Variants in DNAH8 observed in about 807,000 individuals in gnomAD.
DNAH8 encodes axonemal beta dynein heavy chain 8.
In DNAH8, 382 loss-of-function variants were observed where a neutral mutation model predicts 562.1. That is an observed-to-expected ratio of 0.68 (90% CI 0.63 to 0.74). The LOEUF is 0.74. Ranked by LOEUF, DNAH8 falls within the 30% of genes least tolerant of loss-of-function variation. The pLI, the probability that DNAH8 is intolerant of heterozygous loss-of-function variation, is 0.00. For synonymous variants in DNAH8, 1,881 were observed against 1,919.4 expected (o/e 0.98, Z 0.52); for missense variants, 5,203 against 5,620.4 (o/e 0.93, Z 2.37).
Position 38,862,280 on chromosome 6 carries a change from A to G in DNAH8, c.6132A>G (p.Arg2044=), listed in dbSNP as rs1583209793. 2 of 1,609,856 alleles carry G rather than the reference A, an allele frequency of 1.2e-6. No individual in the cohort carries two copies. ...TGCTTTATTGGATGAACATTTGCAG[A>G]TGCTATATCACGTTAGCTCAGGCCT... The part of the protein sequence containing the change: ...DRLVITPLTD[R]CYITLAQALG... Residue 2044 remains arginine (R), a splice_region_variant and synonymous_variant, in exon 44 of 93, where the codon AGA becomes AGG. Coordinates refer to ENST00000327475, the MANE Select transcript of DNAH8 (RefSeq NM_001206927.2).
intron 10 of DNAH8, among the ~76,000 whole-genome samples, chr6:38,761,205 A>G (rs1766467223): frequency 6.8e-6 from 1 of 148,082 alleles, no homozygotes; most frequent in South Asian, 2.1e-4. Context: ...GGTGTGCTGC[A>G]CCCATTAACT....
At chr6:38,935,235 G>A (rs1053787129) in intron 76 of DNAH8, among the ~76,000 whole-genome samples, 2 of 152,126 alleles carry the variant, frequency 1.3e-5, no homozygotes, top group African/African-American at 2.4e-5. Flanking sequence ...AATAAAGATA[G>A]CATTTCTTAC....
intron 7 of DNAH8, among the ~76,000 whole-genome samples, chr6:38,740,929 T>G (rs979113815): frequency 1.3e-5 from 2 of 152,218 alleles, no homozygotes; most frequent in Admixed American, 6.5e-5. Flanking sequence ...TATGCTAGTT[T>G]AAAAATGTAG....
At chr6:38,842,068 T>G (rs1489371487) in intron 33 of DNAH8, among the ~76,000 whole-genome samples, 1 of 152,236 alleles carries the variant, frequency 6.6e-6, no homozygotes. Flanking sequence ...TTGCAATGAT[T>G]GGTATAGTAA....
chr6:38,718,092 A>G (rs1384907077), intron 1 of DNAH8, among the ~76,000 whole-genome samples: 1 of 152,192 alleles, frequency 6.6e-6, no homozygotes, highest in East Asian at 1.9e-4. Context: ...ATGATGCATT[A>G]AAATTTTATT....
chr6:38,751,988 A>G (rs886576377), intron 9 of DNAH8, among the ~76,000 whole-genome samples: 1 of 152,212 alleles, frequency 6.6e-6, no homozygotes, highest in Non-Finnish European at 1.5e-5. Context: ...TCTATGCACA[A>G]TGACCCTCAT....
chr6:38,721,322 TA>T (rs1762730062), intron 1 of DNAH8, among the ~76,000 whole-genome samples: 1 of 130,830 alleles, frequency 7.6e-6, no homozygotes, highest in African/African-American at 2.9e-5. Context: ...CTATGAAAAA[TA>T]AAAATAATAA....
At chr6:38,949,406 A>G in intron 80 of DNAH8, 46 bp from the exon 81 acceptor site, 1 of 1,137,488 alleles carries the variant, frequency 8.8e-7, no homozygotes, top group East Asian at 2.3e-5. Context: ...AATATATTCC[A>G]CTTACATATA....
At chr6:38,905,024 A>G (rs1201247246) in intron 62 of DNAH8, among the ~76,000 whole-genome samples, 1 of 152,330 alleles carries the variant, frequency 6.6e-6, no homozygotes, top group Non-Finnish European at 1.5e-5. Flanking sequence ...CAAAAGCAAT[A>G]CATCACAGTC....
intron 82 of DNAH8, among the ~76,000 whole-genome samples, chr6:38,959,902 G>A (rs1169634997): frequency 1.3e-5 from 2 of 151,936 alleles, no homozygotes; most frequent in South Asian, 2.1e-4. Context: ...CAGGATGGTA[G>A]TGGCATAAAA....
Position 39,030,115 on chromosome 6 carries a change from A to T in DNAH8, c.13847A>T (p.Tyr4616Phe), listed in dbSNP as rs552095365. The T allele has an allele frequency of 6.2e-7, 1 of 1,612,892 alleles. No homozygotes were observed. Among genetic ancestry groups the T allele is most frequent in the Non-Finnish European group, 8.5e-7 (1 of 1,179,320 alleles). ...EITSPPGEGV[Y>F]IYGLYMDGAA... Reference sequence around the variant, plus strand: ...GCTTGACTCTTCCAGGAAGGTGTGTATATTTATGGGCTCTACATGGATGGA... The same window carrying T: ...GCTTGACTCTTCCAGGAAGGTGTGTTTATTTATGGGCTCTACATGGATGGA... Residue 4616 changes from tyrosine (Y) to phenylalanine (F), a missense_variant, in exon 93 of 93, where the codon TAT (tyrosine) becomes TTT (phenylalanine). This residue lies in a region of DNAH8 where 1,399 missense variants were observed against 1,518.4 expected (regional missense o/e 0.92). Coordinates refer to ENST00000327475, the MANE Select transcript of DNAH8 (RefSeq NM_001206927.2).
chr6:38,935,567 G>A (rs2150585877), intron 76 of DNAH8, 25 bp from the exon 77 acceptor site: 1 of 1,516,074 alleles, frequency 6.6e-7, no homozygotes, highest in African/African-American at 1.4e-5. Flanking sequence ...TAGTTCCAAT[G>A]TTATTTTTTG....
chr6:38,740,604 C>A (rs1223741169), intron 7 of DNAH8, among the ~76,000 whole-genome samples: 1 of 151,736 alleles, frequency 6.6e-6, no homozygotes, highest in African/African-American at 2.4e-5. Context: ...TGTCTTTAGT[C>A]TTTTTGTTTT....
At chr6:38,721,593 G>C (rs2127562726) in intron 1 of DNAH8, among the ~76,000 whole-genome samples, 1 of 152,280 alleles carries the variant, frequency 6.6e-6, no homozygotes, top group South Asian at 2.1e-4. Context: ...GATAATTTGG[G>C]AACAATGGTT....
chr6:39,023,794 C>A (rs1767089812), intron 91 of DNAH8, among the ~76,000 whole-genome samples: 1 of 152,238 alleles, frequency 6.6e-6, no homozygotes, highest in Non-Finnish European at 1.5e-5. Flanking sequence ...TGTATCTTCT[C>A]TACGTTCTCT....
intron 1 of DNAH8, among the ~76,000 whole-genome samples, chr6:38,715,917 AATAAATAAATATATATAT>A (rs1178436389): frequency 3.0e-4 from 15 of 50,438 alleles, no homozygotes; most frequent in East Asian, 2.6e-3. Flanking sequence ...TAAATAAATA[AATAAATAAATATATATAT>A]ATATATATAT....
chr6:38,786,195 G>A (rs1206320919), intron 17 of DNAH8, among the ~76,000 whole-genome samples: 8 of 152,212 alleles, frequency 5.3e-5, no homozygotes, highest in Admixed American at 5.2e-4. Context: ...TTGTTTATAT[G>A]AATGATGTTT....
intron 3 of DNAH8, among the ~76,000 whole-genome samples, chr6:38,724,661 C>T (rs9296260): frequency 0.75 from 114,230 of 152,030 alleles, 43,322 homozygotes; most frequent in East Asian, 0.99. Context: ...TAAATTGATG[C>T]GGTCACCCTA....
intron 42 of DNAH8, 134 bp downstream of exon 42, chr6:38,857,876 C>T (rs1776328400): frequency 1.6e-6 from 1 of 628,770 alleles, no homozygotes; most frequent in Non-Finnish European, 2.7e-6. Flanking sequence ...ATCGTGTCCA[C>T]AGTATTGTAT....
Sources: gnomAD v4.1 joint callset for allele counts (sites outside exome capture counted in the v4.1 genomes callset) on GRCh38, gnomAD v4.1.1 for gene constraint, gnomAD v4.1.1 regional missense constraint, MANE v1.5 for transcripts, NCBI Gene and HGNC (gene_info 2026-07-23, HGNC 2026-07-21) for gene names.